LMTK2: variants seen among roughly 807,000 people sequenced by gnomAD.
LMTK2 encodes the protein lemur tail kinase 2, also known as serine/threonine-protein kinase LMTK2.
In LMTK2, 37 loss-of-function variants were observed where a neutral mutation model predicts 127.5. The observed-to-expected ratio is 0.29, with a 90% CI of 0.22 to 0.38. The LOEUF is 0.38. Among genes scored for constraint, LMTK2 ranks in the 10% least tolerant of loss-of-function variants. The probability of loss-of-function intolerance (pLI) is 1.00; values close to 1 mark genes in which losing one functional copy is unlikely to be tolerated. For missense variants in LMTK2, 1,694 were observed against 1,920.3 expected, an observed-to-expected ratio of 0.88 and a Z score of 2.20; for synonymous variants, 819 against 810.1, an observed-to-expected ratio of 1.01 and a Z score of -0.19.
At chr7:98,133,644 A>C (rs201873890) in intron 1 of LMTK2, among the ~76,000 whole-genome samples, 25 of 152,176 alleles carry the variant, frequency 1.6e-4, no homozygotes, top group Non-Finnish European at 2.9e-4. Flanking sequence ...TGGGACTGTT[A>C]GATACTGAGG....
At chr7:98,156,985 G>T (rs1052368101) in intron 5 of LMTK2, among the ~76,000 whole-genome samples, 7 of 152,174 alleles carry the variant, frequency 4.6e-5, no homozygotes, top group Non-Finnish European at 1.0e-4. Context: ...CGGTGCCTCA[G>T]GTCTATAATC....
At chr7:98,144,442 AAAAG>A (rs1205898795) in intron 3 of LMTK2, among the ~76,000 whole-genome samples, 4 of 151,652 alleles carry the variant, frequency 2.6e-5, no homozygotes, top group Non-Finnish European at 5.9e-5. Context: ...CAAAAAAAAA[AAAAG>A]AAAGAAAAAA....
chr7:98,136,987 AG>A (rs2116358813), intron 1 of LMTK2, among the ~76,000 whole-genome samples: 1 of 152,342 alleles, frequency 6.6e-6, no homozygotes, highest in East Asian at 1.9e-4. Flanking sequence ...ATCCGAATAA[AG>A]CCTGAAGTTC....
chr7:98,191,556 CAAA>C (rs377130793), intron 10 of LMTK2, 55 bp from the exon 11 acceptor site: 586 of 1,239,952 alleles, frequency 4.7e-4, no homozygotes, highest in Admixed American at 8.1e-4. Context: ...CGTCTCGAAC[CAAA>C]AAAAAAAAAA....
chr7:98,172,664 G>A (rs1797211771), intron 7 of LMTK2, among the ~76,000 whole-genome samples: 2 of 152,176 alleles, frequency 1.3e-5, no homozygotes, highest in Admixed American at 1.3e-4. Flanking sequence ...TCAACTTTAA[G>A]TAAATCATTT....
intron 1 of LMTK2, among the ~76,000 whole-genome samples, chr7:98,130,674 C>T (rs35170600): frequency 0.052 from 7,843 of 152,084 alleles, 574 homozygotes; most frequent in East Asian, 0.33. Flanking sequence ...CACAGACACA[C>T]GTAGAGGGGA....
chr7:98,128,573 A>G lies in LMTK2; in HGVS notation c.104-8742A>G, dbSNP rs534272716. ...TACGCGCAGTGTTCAGACTAAAACA[A>G]ATTTAAATCACATCTTAGATGGCAC... On this transcript the variant is annotated intron_variant, in intron 1 of 13. Coordinates refer to ENST00000297293, the MANE Select transcript of LMTK2 (RefSeq NM_014916.4). 2.0e-5 allele frequency among the ~76,000 whole-genome samples: 3 copies of G among 152,360 alleles called. No individual in the cohort carries two copies. In the East Asian group the frequency reaches 5.8e-4, roughly 29 times the overall value.
intron 12 of LMTK2, 54 bp from the exon 13 acceptor site, chr7:98,203,890 C>G (rs898949153): frequency 3.1e-6 from 5 of 1,604,728 alleles, no homozygotes; most frequent in African/African-American, 1.3e-5. Context: ...GAGGCTCCCC[C>G]TCTCCCTCAT....
intron 2 of LMTK2, among the ~76,000 whole-genome samples, chr7:98,141,093 C>A (rs1796692166): frequency 6.7e-6 from 1 of 149,990 alleles, no homozygotes; most frequent in African/African-American, 2.4e-5. Flanking sequence ...AAAAGAATTG[C>A]TTAAACTGTA....
intron 1 of LMTK2, among the ~76,000 whole-genome samples, chr7:98,130,096 G>A (rs1403447838): frequency 1.7e-4 from 26 of 152,140 alleles, no homozygotes; most frequent in Non-Finnish European, 1.3e-4. Flanking sequence ...GCGTCTCTGG[G>A]TGGTGGAAGA....
chr7:98,206,654 G>A lies in LMTK2; in HGVS notation c.*1162G>A, dbSNP rs1172430134. On this transcript the variant is annotated 3_prime_UTR_variant, in exon 14 of 14. Coordinates refer to ENST00000297293, the MANE Select transcript of LMTK2 (RefSeq NM_014916.4). ...CATCTCCGCAGAGCATACCAGCCGT[G>A]GGGGACCGTTCGACTTGATGATGTG... 6.6e-6 allele frequency: 1 copy of A among 152,218 alleles called. No individual in the cohort carries two copies. Among genetic ancestry groups the A allele is most frequent in the Admixed American group, 6.5e-5 (1 of 15,280 alleles). 9.4% of individuals were successfully genotyped at this position (152,218 alleles called of 1,614,324 possible). A position where few individuals can be genotyped will look rare whatever the true frequency, so the allele number is the denominator to read the frequency against.
In LMTK2 at chr7:98,191,967, C is replaced by T. The variant is rs201350910; in HGVS notation, c.1502C>T (p.Thr501Met). 1.1e-5 allele frequency: 18 copies of T among 1,614,122 alleles called. No homozygotes were observed. The highest frequency in any genetic ancestry group is 9.3e-5 in the African/African-American group (7 of 75,050). The change falls in exon 11 of 14, where the codon ACG becomes ATG. Residue 501 changes from threonine to methionine, a missense_variant. Around this residue, in one of 8 missense-constraint regions of LMTK2, gnomAD observed 216 missense variants for 266.8 expected, o/e 0.81. Coordinates refer to ENST00000297293, the MANE Select transcript of LMTK2 (RefSeq NM_014916.4). The stretch of plus-strand genomic sequence containing the variant: ...CACCTGGACGAAGGCTTGTCCTACA[C>T]GAGCATCTTCTATCCGGTTGAAGTT... ...RGHLDEGLSY[T>M]SIFYPVEVFE...
At chr7:98,196,509 G>A (rs1344742546) in intron 11 of LMTK2, among the ~76,000 whole-genome samples, 6 of 152,154 alleles carry the variant, frequency 3.9e-5, no homozygotes, top group Non-Finnish European at 8.8e-5. Flanking sequence ...TAGGTGGGAC[G>A]GAACTGTCAA....
At position 98,193,492 on chromosome 7, in the gene LMTK2, A is replaced by G. The variant is rs771116703; in HGVS notation, c.3027A>G (p.Leu1009=). ...SLESVDVHEA[L]LDSLGSHTPQ... is the part of the protein sequence containing the mutation. ...AGTCAGTGGATGTCCACGAAGCGCT[A>G]CTGGACTCTTTAGGATCTCACACTC... The change falls in exon 11 of 14, where the codon CTA becomes CTG. Residue 1009 remains leucine (L), a synonymous_variant. Transcript: ENST00000297293. This position sits in a 1 kb window ranked among gnomAD's most constrained non-coding sequence, Gnocchi z 4.1. 1.2e-6 allele frequency: 2 copies of G among 1,614,096 alleles called. No homozygotes were observed. Among genetic ancestry groups the G allele is most frequent in the Non-Finnish European group, 1.7e-6 (2 of 1,180,010 alleles).
chr7:98,134,453 T>C (rs926774906), intron 1 of LMTK2, among the ~76,000 whole-genome samples: 1 of 152,202 alleles, frequency 6.6e-6, no homozygotes, highest in Non-Finnish European at 1.5e-5. Context: ...GTGAAAGCGC[T>C]TTGCTTTCCT....
At chr7:98,134,907 C>T (rs570146813) in intron 1 of LMTK2, among the ~76,000 whole-genome samples, 1 of 152,246 alleles carries the variant, frequency 6.6e-6, no homozygotes, top group East Asian at 1.9e-4. Context: ...GAGGAAGCAC[C>T]GAGTTACCTC....
intron 1 of LMTK2, among the ~76,000 whole-genome samples, chr7:98,107,617 C>G (rs1448314486): frequency 6.6e-6 from 1 of 152,194 alleles, no homozygotes; most frequent in Non-Finnish European, 1.5e-5. Flanking sequence ...CCAGATGTCA[C>G]CTGCCTCTTG....
At chr7:98,167,789 C>G (rs989317997) in intron 6 of LMTK2, among the ~76,000 whole-genome samples, 4 of 152,122 alleles carry the variant, frequency 2.6e-5, no homozygotes, top group African/African-American at 9.7e-5. Context: ...GGAGCGCCCC[C>G]AGGACTGAGG....
intron 1 of LMTK2, among the ~76,000 whole-genome samples, chr7:98,128,323 G>A (rs1432109862): frequency 6.6e-6 from 1 of 152,156 alleles, no homozygotes; most frequent in East Asian, 1.9e-4. Flanking sequence ...TGTTGTCCTT[G>A]TAAAATGGGG....
Sources: gnomAD v4.1 joint callset for allele counts (sites outside exome capture counted in the v4.1 genomes callset) on GRCh38, gnomAD v4.1.1 for gene constraint, gnomAD v4.1.1 regional missense constraint, Gnocchi (gnomAD v3.1) non-coding constraint, MANE v1.5 for transcripts, NCBI Gene and HGNC (gene_info 2026-07-23, HGNC 2026-07-21) for gene names.